Variants in PDE4D observed in about 807,000 individuals in gnomAD.
PDE4D encodes the protein phosphodiesterase 4D.
A neutral mutation model predicts 87.4 loss-of-function variants in PDE4D; 24 were observed. That is an observed-to-expected ratio of 0.27 (90% CI 0.20 to 0.39). The LOEUF (loss-of-function observed/expected upper bound fraction) is 0.39, where lower values mean the gene tolerates loss of function less well. Among genes scored for constraint, PDE4D ranks in the 10% least tolerant of loss-of-function variants. The probability of loss-of-function intolerance (pLI) is 1.00; values close to 1 mark genes in which losing one functional copy is unlikely to be tolerated. For missense variants in PDE4D, 714 were observed against 1,041.0 expected, an observed-to-expected ratio of 0.69 and a Z score of 4.32; for synonymous variants, 384 against 383.2, an observed-to-expected ratio of 1.00 and a Z score of -0.02.
At chr5:59,126,157 G>T (rs937427580) in intron 5 of PDE4D, among the ~76,000 whole-genome samples, 5 of 147,902 alleles carry the variant, frequency 3.4e-5, no homozygotes, top group African/African-American at 1.2e-4. Context: ...AAAAAAGGAA[G>T]GGAAGAAGGA....
At chr5:60,213,051 T>C (rs1743432038) in intron 1 of PDE4D, among the ~76,000 whole-genome samples, 1 of 152,214 alleles carries the variant, frequency 6.6e-6, no homozygotes, top group Non-Finnish European at 1.5e-5. Context: ...ATCCATGTCA[T>C]CCATCTTTTG....
chr5:59,378,823 C>T (rs77993802), intron 1 of PDE4D, among the ~76,000 whole-genome samples: 3,020 of 152,202 alleles, frequency 0.02, 98 homozygotes, highest in African/African-American at 0.069. Flanking sequence ...GAATTCTTTG[C>T]TCAGGAAAAA....
chr5:60,492,380 G>A (rs1749580301), upstream of PDE4D, among the ~76,000 whole-genome samples: 1 of 152,204 alleles, frequency 6.6e-6, no homozygotes. Flanking sequence ...GGAGGCTGCA[G>A]TGAGCTATGG....
intron 1 of PDE4D, among the ~76,000 whole-genome samples, chr5:60,292,182 G>T (rs1752956319): frequency 2.0e-5 from 3 of 152,122 alleles, no homozygotes; most frequent in East Asian, 3.9e-4. Flanking sequence ...ATTATTTAAA[G>T]AATAAAATTT....
intron 1 of PDE4D, among the ~76,000 whole-genome samples, chr5:59,578,729 A>G (rs1365736457): frequency 6.6e-6 from 1 of 152,012 alleles, no homozygotes; most frequent in African/African-American, 2.4e-5. Flanking sequence ...ACAGGGCATA[A>G]AACAAAAACT....
chr5:60,221,551 G>A (rs942423924), intron 1 of PDE4D, among the ~76,000 whole-genome samples: 3 of 151,828 alleles, frequency 2.0e-5, no homozygotes, highest in South Asian at 2.1e-4. Flanking sequence ...AGTTGATTTT[G>A]ATAAATTTGA....
intron 1 of PDE4D, among the ~76,000 whole-genome samples, chr5:59,844,685 A>C (rs1581386542): frequency 6.6e-6 from 1 of 152,032 alleles, no homozygotes; most frequent in East Asian, 1.9e-4. Flanking sequence ...TATCCTCTAC[A>C]TGCATGTCCT....
chr5:59,209,526 T>A (rs1035124546), intron 2 of PDE4D, among the ~76,000 whole-genome samples: 6 of 152,162 alleles, frequency 3.9e-5, no homozygotes, highest in African/African-American at 1.4e-4. Flanking sequence ...AAACAACTAA[T>A]CCAAATATTT....
chr5:59,028,103 C>A (rs1458756752), intron 6 of PDE4D, among the ~76,000 whole-genome samples: 1 of 152,122 alleles, frequency 6.6e-6, no homozygotes, highest in Non-Finnish European at 1.5e-5. Flanking sequence ...TATTCTTCTG[C>A]ACTGCATTAT....
chr5:59,341,317 C>T (rs1226340597), intron 1 of PDE4D, among the ~76,000 whole-genome samples: 1 of 152,064 alleles, frequency 6.6e-6, no homozygotes, highest in Non-Finnish European at 1.5e-5. Context: ...GTGCATGGGT[C>T]CCTTCAATAG....
chr5:59,596,589 T>G (rs886809550), intron 1 of PDE4D, among the ~76,000 whole-genome samples: 1 of 152,040 alleles, frequency 6.6e-6, no homozygotes, highest in Non-Finnish European at 1.5e-5. Context: ...GAGTCCTTAT[T>G]ATCTTGACAT....
At chr5:60,205,274 G>A in intron 1 of PDE4D, among the ~76,000 whole-genome samples, 1 of 152,180 alleles carries the variant, frequency 6.6e-6, no homozygotes, top group East Asian at 1.9e-4. Context: ...CCACCTGTGA[G>A]ACTTTGCAGG....
At chr5:59,099,847 C>CCAGCTGCATTCT (rs1441480311) in intron 5 of PDE4D, among the ~76,000 whole-genome samples, 1 of 152,160 alleles carries the variant, frequency 6.6e-6, no homozygotes, top group Non-Finnish European at 1.5e-5. Flanking sequence ...CAGACTCCAC[C>CCAGCTGCATTCT]CAGCTGCATT....
chr5:60,366,772 C>A (rs1423248), intron 1 of PDE4D, among the ~76,000 whole-genome samples: 110,056 of 152,264 alleles, frequency 0.72, 40,260 homozygotes, highest in African/African-American at 0.82. Context: ...TAGTTGCAGC[C>A]GTACAGCCCT....
At chr5:59,078,163 T>C (rs1429387878) in intron 5 of PDE4D, among the ~76,000 whole-genome samples, 1 of 152,160 alleles carries the variant, frequency 6.6e-6, no homozygotes, top group Non-Finnish European at 1.5e-5. Context: ...CGACAATGTT[T>C]AGTGTAGTAT....
intron 1 of PDE4D, among the ~76,000 whole-genome samples, chr5:59,488,166 CA>C (rs529078753): frequency 0.032 from 3,477 of 107,248 alleles, 57 homozygotes; most frequent in East Asian, 0.13. Flanking sequence ...CATCAAGAGC[CA>C]AAAAAAAAAA....
chr5:59,467,808 TATTTC>T (rs1452510640), intron 1 of PDE4D, among the ~76,000 whole-genome samples: 1 of 152,232 alleles, frequency 6.6e-6, no homozygotes, highest in South Asian at 2.1e-4. Context: ...AGTTCACTGG[TATTTC>T]ATTTATCCAG....
intron 1 of PDE4D, among the ~76,000 whole-genome samples, chr5:60,413,917 C>G: frequency 6.6e-6 from 1 of 152,282 alleles, no homozygotes; most frequent in Middle Eastern, 3.4e-3. Flanking sequence ...TATCAGAGTT[C>G]AGGTTCACTT....
intron 1 of PDE4D, among the ~76,000 whole-genome samples, chr5:59,277,534 TG>T (rs1765053850): frequency 6.6e-6 from 1 of 152,118 alleles, no homozygotes; most frequent in Admixed American, 6.6e-5. Context: ...AATTTAAATG[TG>T]GGAAAAGAAA....
Sources: allele counts gnomAD v4.1 joint callset (sites outside exome capture counted in the v4.1 genomes callset), GRCh38; gene constraint gnomAD v4.1.1; transcripts MANE v1.5; gene names NCBI Gene and HGNC (gene_info 2026-07-23, HGNC 2026-07-21).